Variants in MAPK10 observed in about 807,000 individuals in gnomAD.
The protein encoded by MAPK10 is mitogen-activated protein kinase 10, also known as JNK3 alpha protein kinase.
Under a neutral mutation model 59.3 loss-of-function variants are expected in MAPK10, and 25 were observed. That is an observed-to-expected ratio of 0.42 (90% confidence interval 0.31 to 0.59). The LOEUF is 0.59. MAPK10 is among the 20% of genes least tolerant of loss of function. The pLI, the probability that MAPK10 is intolerant of heterozygous loss-of-function variation, is 0.15. For synonymous variants in MAPK10, 190 were observed against 200.5 expected (o/e 0.95, Z 0.44); for missense variants, 351 against 568.9 (o/e 0.62, Z 3.90).
intron 4 of MAPK10, among the ~76,000 whole-genome samples, chr4:86,150,269 G>A (rs570773380): frequency 3.3e-5 from 5 of 152,310 alleles, no homozygotes; most frequent in East Asian, 1.9e-4. Context: ...GGCATACAGC[G>A]TGATACAATG....
Position 86,298,539 on chromosome 4 carries a change from A to G in MAPK10, c.-7+55991T>C, listed in dbSNP as rs544357458. Among the ~76,000 whole-genome samples the G allele has an allele frequency of 5.9e-5, 9 of 152,326 alleles. No homozygotes were observed. In the East Asian group the frequency reaches 1.4e-3, roughly 23 times the overall value. ...ACTCTTTGCAGACAATGCCACAAGCACTTGAACTAACAACTGCTCCACTTG... is the reference window on the plus strand; with the variant it reads ...ACTCTTTGCAGACAATGCCACAAGCGCTTGAACTAACAACTGCTCCACTTG... On this transcript the variant is annotated intron_variant, in intron 2 of 13. Coordinates refer to ENST00000641462, the MANE Select transcript of MAPK10 (RefSeq NM_138982.4).
intron 3 of MAPK10, among the ~76,000 whole-genome samples, chr4:86,190,786 T>C (rs1382551977): frequency 6.6e-6 from 1 of 152,042 alleles, no homozygotes; most frequent in African/African-American, 2.4e-5. Flanking sequence ...TCCTCTGCTA[T>C]CTTTTGAAAT....
At chr4:86,306,697 T>G (rs1056107096) in intron 2 of MAPK10, among the ~76,000 whole-genome samples, 32 of 152,150 alleles carry the variant, frequency 2.1e-4, no homozygotes, top group Non-Finnish European at 5.9e-5. Flanking sequence ...TAAATTTCCT[T>G]AGAGGGAAAA....
intron 5 of MAPK10, among the ~76,000 whole-genome samples, chr4:86,104,749 G>A (rs1157809477): frequency 6.6e-6 from 1 of 151,962 alleles, no homozygotes; most frequent in East Asian, 1.9e-4. Flanking sequence ...AAGATTTATT[G>A]TTTTAAAAGG....
At chr4:86,140,771 G>T (rs1042015282) in intron 4 of MAPK10, among the ~76,000 whole-genome samples, 7 of 152,080 alleles carry the variant, frequency 4.6e-5, no homozygotes, top group African/African-American at 1.4e-4. Context: ...GCACAGGCAG[G>T]TGTGCACAAA....
chr4:86,211,291 G>A (rs1474713535), intron 2 of MAPK10, among the ~76,000 whole-genome samples: 1 of 151,974 alleles, frequency 6.6e-6, no homozygotes, highest in Non-Finnish European at 1.5e-5. Flanking sequence ...AAATTAAAAT[G>A]TTGAAAGCCA....
chr4:86,257,407 G>A (rs1398367213), intron 2 of MAPK10, among the ~76,000 whole-genome samples: 1 of 152,148 alleles, frequency 6.6e-6, no homozygotes, highest in Non-Finnish European at 1.5e-5. Flanking sequence ...AATTCCCTAG[G>A]CAGTCTTCTT....
chr4:86,547,817 CT>C (rs1398445479), intron 1 of MAPK10, among the ~76,000 whole-genome samples: 3 of 152,330 alleles, frequency 2.0e-5, no homozygotes, highest in African/African-American at 7.2e-5. Context: ...AATCAGCACC[CT>C]GTGTCTAGCT....
chr4:86,153,689 A>G (rs2067007360), intron 4 of MAPK10, among the ~76,000 whole-genome samples: 1 of 152,198 alleles, frequency 6.6e-6, no homozygotes, highest in Non-Finnish European at 1.5e-5. Flanking sequence ...AGGAAAAAAA[A>G]TGACATTTAC....
At chr4:86,383,560 T>C (rs1470690822) in intron 1 of MAPK10, among the ~76,000 whole-genome samples, 1 of 152,200 alleles carries the variant, frequency 6.6e-6, no homozygotes, top group Admixed American at 6.5e-5. Context: ...ATGTAGAATA[T>C]GACCTAAGTA....
At chr4:86,162,848 T>G (rs2149238398) in intron 3 of MAPK10, among the ~76,000 whole-genome samples, 1 of 152,224 alleles carries the variant, frequency 6.6e-6, no homozygotes, top group South Asian at 2.1e-4. Flanking sequence ...TCACTGGTTC[T>G]CAGATATGAG....
chr4:86,060,337 C>T (rs1203787669), intron 11 of MAPK10, among the ~76,000 whole-genome samples: 1 of 152,166 alleles, frequency 6.6e-6, no homozygotes, highest in Admixed American at 6.5e-5. Flanking sequence ...CAAAATGGAG[C>T]CTTTTGTAAG....
chr4:86,205,360 G>C (rs2083565959), intron 2 of MAPK10, among the ~76,000 whole-genome samples: 1 of 151,850 alleles, frequency 6.6e-6, no homozygotes, highest in Admixed American at 6.6e-5. Context: ...ACAATTATAA[G>C]ACTACAAAGA....
At chr4:86,420,692 G>T (rs1458806706) in intron 1 of MAPK10, among the ~76,000 whole-genome samples, 1 of 152,186 alleles carries the variant, frequency 6.6e-6, no homozygotes, top group East Asian at 1.9e-4. Context: ...AGGGGGCTGA[G>T]GTGGGAGGAT....
At chr4:86,575,774 C>T (rs1761834943) in intron 1 of MAPK10, among the ~76,000 whole-genome samples, 1 of 150,380 alleles carries the variant, frequency 6.6e-6, no homozygotes, top group Admixed American at 6.6e-5. Flanking sequence ...ACCAAAAACA[C>T]TCCATGGTGT....
intron 11 of MAPK10, among the ~76,000 whole-genome samples, chr4:86,039,872 C>A (rs1231652327): frequency 6.6e-6 from 1 of 152,084 alleles, no homozygotes; most frequent in Non-Finnish European, 1.5e-5. Flanking sequence ...AGACTTAGGC[C>A]CAACCCTATA....
intron 2 of MAPK10, among the ~76,000 whole-genome samples, chr4:86,342,357 T>G (rs1725493991): frequency 6.6e-6 from 1 of 152,210 alleles, no homozygotes; most frequent in Non-Finnish European, 1.5e-5. Context: ...TTTTTGGAAT[T>G]GACTGAGAAC....
intron 1 of MAPK10, among the ~76,000 whole-genome samples, chr4:86,444,245 A>C (rs536810161): frequency 1.3e-5 from 2 of 152,306 alleles, no homozygotes; most frequent in East Asian, 3.9e-4. Flanking sequence ...AATACCAGGC[A>C]GAATAAATGC....
intron 1 of MAPK10, among the ~76,000 whole-genome samples, chr4:86,529,248 C>T (rs1757692599): frequency 6.6e-6 from 1 of 152,184 alleles, no homozygotes; most frequent in Non-Finnish European, 1.5e-5. Context: ...CAGATGCAGG[C>T]TTGGTGGCAT....
Sources: gnomAD v4.1 joint callset for allele counts (sites outside exome capture counted in the v4.1 genomes callset) on GRCh38, gnomAD v4.1.1 for gene constraint, MANE v1.5 for transcripts, NCBI Gene and HGNC (gene_info 2026-07-23, HGNC 2026-07-21) for gene names.